Variants in STX2 observed in about 807,000 individuals in gnomAD.
STX2 encodes the protein syntaxin-2.
A neutral mutation model predicts 40.6 loss-of-function variants in STX2; 27 were observed. The ratio of observed to expected loss-of-function variants is 0.66; its 90% CI spans 0.49 to 0.92. The LOEUF (loss-of-function observed/expected upper bound fraction) is 0.92. Ranked by LOEUF, STX2 falls within the 40% of genes least tolerant of loss-of-function variation. The pLI, the probability that STX2 is intolerant of heterozygous loss-of-function variation, is 0.00. For synonymous variants in STX2, 123 were observed against 119.1 expected (o/e 1.03, Z -0.22); for missense variants, 328 against 366.1 (o/e 0.90, Z 0.85).
rs1487929015 is a variant in STX2, at chr12:130,812,396, G to C, written c.280+561C>G. On this transcript the variant is annotated intron_variant, in intron 4 of 10. Coordinates refer to ENST00000392373, the MANE Select transcript of STX2 (RefSeq NM_194356.4). Reference sequence around the variant, plus strand: ...AGCTCATGGAGAACTGTGGAGCTGGGGGGTCGGCTTGTGGTCGCCTCTCTC... The same window carrying C: ...AGCTCATGGAGAACTGTGGAGCTGGCGGGTCGGCTTGTGGTCGCCTCTCTC... 4 of 454,174 alleles carry C rather than the reference G, an allele frequency of 8.8e-6. No individual in the cohort carries two copies. In the East Asian group the frequency reaches 2.8e-4, roughly 32 times the overall value. The allele number at this position is 454,174 out of a possible 1,614,324, so 28.1% of individuals were successfully genotyped here. A position where few individuals can be genotyped will look rare whatever the true frequency, so the allele number is the denominator to read the frequency against.
At chr12:130,798,223 C>T (rs1951093142) in intron 9 of STX2, among the ~76,000 whole-genome samples, 1 of 148,268 alleles carries the variant, frequency 6.7e-6, no homozygotes, top group South Asian at 2.2e-4. Flanking sequence ...CTCTACTAGC[C>T]TGGGCAACAA....
Position 130,790,154 on chromosome 12 carries a change from TAAAGACCA to T in STX2, c.*1861_*1868del, listed in dbSNP as rs1480108056. The T allele has an allele frequency of 6.6e-6, 1 of 152,196 alleles. No homozygotes were observed. Among genetic ancestry groups the T allele is most frequent in the African/African-American group, 2.4e-5 (1 of 41,436 alleles). 9.4% of individuals were successfully genotyped at this position (152,196 alleles called of 1,614,324 possible). A position where few individuals can be genotyped will look rare whatever the true frequency, so the allele number is the denominator to read the frequency against. On this transcript the variant is annotated 3_prime_UTR_variant, in exon 11 of 11. Transcript: ENST00000392373. ...TGAGCACATCCCACGACAGGGTGTT[TAAAGACCA>T]AAAGAAAAAGAACAGTCAGAGGCAG...
At chr12:130,833,126 G>T (rs1461204556) in intron 1 of STX2, among the ~76,000 whole-genome samples, 2 of 152,192 alleles carry the variant, frequency 1.3e-5, no homozygotes, top group Non-Finnish European at 2.9e-5. Context: ...CTGGCACCCA[G>T]CCGCCAGTCA....
At position 130,791,938 on chromosome 12, in the gene STX2, C is replaced by T. The variant is rs1200231087; in HGVS notation, c.*85G>A. 6.2e-7 allele frequency: 1 copy of T among 1,610,392 alleles called. No individual in the cohort carries two copies. Among genetic ancestry groups the T allele is most frequent in the Admixed American group, 1.7e-5 (1 of 59,512 alleles). On this transcript the variant is annotated 3_prime_UTR_variant, in exon 11 of 11. Coordinates refer to ENST00000392373, the MANE Select transcript of STX2 (RefSeq NM_194356.4). ...GTTGCTAGGATAATTCCAAGGATCA[C>T]AAGCAAAACAATTACACAAATAATA...
chr12:130,803,661 T>G (rs1593128094), intron 6 of STX2, among the ~76,000 whole-genome samples: 1 of 60,678 alleles, frequency 1.6e-5, no homozygotes, highest in Non-Finnish European at 2.9e-5. Flanking sequence ...CGTGAGGCTC[T>G]CTCTCAAAAA....
chr12:130,829,177 G>A (rs994230665), intron 1 of STX2, among the ~76,000 whole-genome samples: 5 of 152,134 alleles, frequency 3.3e-5, no homozygotes, highest in East Asian at 1.9e-4. Context: ...AGAGCTAAGC[G>A]GTGCCGAACC....
At chr12:130,835,849 A>C (rs931817875) in intron 1 of STX2, among the ~76,000 whole-genome samples, 3 of 152,194 alleles carry the variant, frequency 2.0e-5, no homozygotes, top group Non-Finnish European at 2.9e-5. Flanking sequence ...CAAAAACAGC[A>C]TCACTGGTTA....
chr12:130,835,744 T>C (rs943172743), intron 1 of STX2, among the ~76,000 whole-genome samples: 1 of 152,228 alleles, frequency 6.6e-6, no homozygotes, highest in African/African-American at 2.4e-5. Flanking sequence ...GCGAGTCTTT[T>C]ACTTTCTGTA....
rs142133404 is a variant in STX2, at chr12:130,822,866, A to C, written c.106-1078T>G. Among the ~76,000 whole-genome samples, 314 of 152,306 alleles carry C rather than the reference A, an allele frequency of 2.1e-3. 2 individuals are homozygous for C. The highest frequency in any genetic ancestry group is 7.2e-3 in the African/African-American group (301 of 41,576). ...CTCGCAAAAGCTTAGCGTTCCAATA[A>C]TGGAACACTACGCATAAATGGGTTA... On this transcript the variant is annotated intron_variant, in intron 2 of 10. Coordinates refer to ENST00000392373, the MANE Select transcript of STX2 (RefSeq NM_194356.4).
At chr12:130,809,158 C>T (rs549034144) in intron 4 of STX2, among the ~76,000 whole-genome samples, 99 of 152,296 alleles carry the variant, frequency 6.5e-4, no homozygotes, top group African/African-American at 2.2e-3. Flanking sequence ...CGAGCCACTG[C>T]GCCCAACCCC....
chr12:130,797,088 G>A (rs1054770174), intron 9 of STX2, among the ~76,000 whole-genome samples: 7 of 152,190 alleles, frequency 4.6e-5, no homozygotes, highest in African/African-American at 1.2e-4. Context: ...CAGGCATCAC[G>A]TCTCTGACGA....
In STX2 at chr12:130,828,141, T is replaced by C. The variant is rs573294051; in HGVS notation, c.31-874A>G. Among the ~76,000 whole-genome samples the C allele has an allele frequency of 2.6e-5, 4 of 152,326 alleles. No individual in the cohort carries two copies. In the East Asian group the frequency reaches 7.7e-4, roughly 29 times the overall value. On this transcript the variant is annotated intron_variant, in intron 1 of 10. Transcript: ENST00000392373. ...AAGGATAAGATATTTATCAGTGTTT[T>C]ATAAGGTAACACTACTTTCATGGGT... is the stretch of plus-strand genomic sequence containing the variant.
At chr12:130,813,096 T>C in intron 3 of STX2, 65 bp from the exon 4 acceptor site, 3 of 999,218 alleles carry the variant, frequency 3.0e-6, no homozygotes, top group Non-Finnish European at 4.2e-6. Flanking sequence ...ACATAAATGA[T>C]ATCCAATAAA....
rs145515093 is a variant in STX2, at chr12:130,808,622, A to T, written c.354+9T>A. 2.1e-3 allele frequency: 3,372 copies of T among 1,610,978 alleles called. 23 individuals carry two copies. The highest frequency in any genetic ancestry group is 0.02 in the Middle Eastern group (120 of 6,048). ...CATTACTTTAATCTAAACGAGGCTG[A>T]TAGCAAACCTGGGTTCTTCGTATCC... On this transcript the variant is annotated intron_variant, in intron 5 of 10. Coordinates refer to ENST00000392373, the MANE Select transcript of STX2 (RefSeq NM_194356.4).
At chr12:130,821,182 T>C (rs544868019) in intron 3 of STX2, among the ~76,000 whole-genome samples, 2 of 152,310 alleles carry the variant, frequency 1.3e-5, no homozygotes, top group East Asian at 3.9e-4. Flanking sequence ...CAGGGAGAAT[T>C]TGGATAAACA....
At chr12:130,805,089 G>A (rs907692460) in intron 6 of STX2, among the ~76,000 whole-genome samples, 2 of 152,140 alleles carry the variant, frequency 1.3e-5, no homozygotes, top group East Asian at 1.9e-4. Context: ...CAGTGCAACC[G>A]GCTGCCTGTA....
In STX2 at chr12:130,801,195, C is replaced by A; in HGVS notation, c.633G>T (p.Leu211Phe). ...IMKLETSIRE[L>F]HEMFMDMAMF... ...TAGCCATGTCCATGAACATCTCATG[C>A]AACTCTCGGATGCTGGTCTCCAGCT... Residue 211 changes from leucine (L) to phenylalanine (F), a missense_variant, in exon 8 of 11, where the codon TTG becomes TTT. By Grantham distance (22) the Leu-to-Phe change is conservative. Coordinates refer to ENST00000392373, the MANE Select transcript of STX2 (RefSeq NM_194356.4). 1 of 1,613,976 alleles carries A rather than the reference C, an allele frequency of 6.2e-7. No individual in the cohort carries two copies. Among genetic ancestry groups the A allele is most frequent in the Non-Finnish European group, 8.5e-7 (1 of 1,179,904 alleles).
At chr12:130,831,618 A>G (rs1952560911) in intron 1 of STX2, among the ~76,000 whole-genome samples, 1 of 152,168 alleles carries the variant, frequency 6.6e-6, no homozygotes, top group Non-Finnish European at 1.5e-5. Flanking sequence ...GGCGATAGAG[A>G]GGGACTTTGT....
chr12:130,827,266 C>T lies in STX2; in HGVS notation c.32G>A (p.Cys11Tyr), dbSNP rs770809464. The change falls in exon 2 of 11, where the codon TGT becomes TAT. Residue 11 changes from cysteine to tyrosine, a missense_variant and splice_region_variant. Coordinates refer to ENST00000392373, the MANE Select transcript of STX2 (RefSeq NM_194356.4). Reference sequence around the variant, plus strand: ...TGTGTCTCCATCATCATTCTTCCTACACTACAATGAAAAATGGAAAATTCA... The same window carrying T: ...TGTGTCTCCATCATCATTCTTCCTATACTACAATGAAAAATGGAAAATTCA... Reference protein sequence around the residue: MRDRLPDLTACRKNDDGDTVV... With the variant: MRDRLPDLTAYRKNDDGDTVV... 7 of 1,612,740 alleles carry T rather than the reference C, an allele frequency of 4.3e-6. No homozygotes were observed. The highest frequency in any genetic ancestry group is 3.4e-6 in the Non-Finnish European group (4 of 1,179,250).
Sources: gnomAD v4.1 joint callset for allele counts (sites outside exome capture counted in the v4.1 genomes callset) on GRCh38, gnomAD v4.1.1 for gene constraint, MANE v1.5 for transcripts, NCBI Gene and HGNC (gene_info 2026-07-23, HGNC 2026-07-21) for gene names.